The following PRKAA2 variants were observed in gnomAD, a reference collection of about 807,000 sequenced individuals.
The protein encoded by PRKAA2 is 5'-AMP-activated protein kinase catalytic subunit alpha-2.
Under a neutral mutation model 56.3 loss-of-function variants are expected in PRKAA2, and 40 were observed. The ratio of observed to expected loss-of-function variants is 0.71; its 90% CI spans 0.55 to 0.92. The LOEUF (loss-of-function observed/expected upper bound fraction) is 0.92. Ranked by LOEUF, PRKAA2 falls within the 40% of genes least tolerant of loss-of-function variation. The pLI, the probability that PRKAA2 is intolerant of heterozygous loss-of-function variation, is 0.00. For synonymous variants in PRKAA2, 214 were observed against 234.2 expected (o/e 0.91, Z 0.79); for missense variants, 542 against 686.9 (o/e 0.79, Z 2.36).
At chr1:56,707,323 A>G (rs1644338340) in intron 8 of PRKAA2, 152 bp from the exon 9 acceptor site, 1 of 649,936 alleles carries the variant, frequency 1.5e-6, no homozygotes. Context: ...AAGGAAGAAG[A>G]CTGTGTTTCT....
intron 2 of PRKAA2, among the ~76,000 whole-genome samples, chr1:56,685,935 CATG>C (rs1379542065): frequency 3.0e-4 from 46 of 152,168 alleles, no homozygotes; most frequent in African/African-American, 1.1e-3. Flanking sequence ...TAAATTTATG[CATG>C]ATAACAATAT....
In PRKAA2 at chr1:56,700,093, C is replaced by G. The variant is rs77639217; in HGVS notation, c.789-3878C>G. ...GTATGGCTATGCTTTCATTTCTCTT[C>G]GGTGTATATACCTAGAGTTTATAAT... On this transcript the variant is annotated intron_variant, in intron 6 of 8. Transcript: ENST00000371244. Among the ~76,000 whole-genome samples the G allele has an allele frequency of 5.5e-3, 842 of 152,192 alleles. 12 individuals are homozygous for G. Among genetic ancestry groups the G allele is most frequent in the African/African-American group, 0.019 (775 of 41,508 alleles).
chr1:56,682,545 A>G (rs1379367599), intron 2 of PRKAA2, among the ~76,000 whole-genome samples: 2 of 152,198 alleles, frequency 1.3e-5, no homozygotes, highest in East Asian at 3.9e-4. Context: ...GAAGTAGTTC[A>G]GGAATTCTAA....
chr1:56,695,886 A>G (rs1644255738), intron 5 of PRKAA2, 49 bp from the exon 6 acceptor site: 1 of 1,522,304 alleles, frequency 6.6e-7, no homozygotes, highest in Non-Finnish European at 9.1e-7. Context: ...GTACATAGAG[A>G]AAAAGTGATT....
Position 56,674,460 on chromosome 1 carries a change from T to G in PRKAA2, c.174T>G (p.Val58=), listed in dbSNP as rs1644099273. 1 of 1,577,456 alleles carries G rather than the reference T, an allele frequency of 6.3e-7. No individual in the cohort carries two copies. The highest frequency in any genetic ancestry group is 1.2e-5 in the South Asian group (1 of 85,482). ...NRQKIRSLDV[V]GKIKREIQNL... is the part of the protein sequence containing the mutation. ...AGAAGATTCGCAGTTTAGATGTTGT[T>G]GGAAAAATAAAACGAGAAATTCAAA... Residue 58 remains valine, a synonymous_variant, in exon 2 of 9, where the codon GTT becomes GTG. Transcript: ENST00000371244.
intron 2 of PRKAA2, among the ~76,000 whole-genome samples, chr1:56,690,211 T>C (rs1644218976): frequency 6.6e-6 from 1 of 151,800 alleles, no homozygotes; most frequent in Non-Finnish European, 1.5e-5. Flanking sequence ...TTGCCCATGC[T>C]GGAGTGCAGT....
intron 1 of PRKAA2, among the ~76,000 whole-genome samples, chr1:56,673,205 C>T (rs1644090176): frequency 6.6e-6 from 1 of 151,994 alleles, no homozygotes; most frequent in African/African-American, 2.4e-5. Flanking sequence ...GACCCCATCT[C>T]TACAAAGATT....
intron 2 of PRKAA2, among the ~76,000 whole-genome samples, chr1:56,678,824 T>C: frequency 6.6e-6 from 1 of 151,934 alleles, no homozygotes; most frequent in East Asian, 1.9e-4. Flanking sequence ...GCCTCCTGAG[T>C]AGCTGGGACT....
Position 56,664,891 on chromosome 1 carries a change from C to CACACAT in PRKAA2, c.95-9489_95-9488insCACATA, listed in dbSNP as rs774937805. 2.7e-4 allele frequency among the ~76,000 whole-genome samples: 31 copies of CACACAT among 114,170 alleles called. No homozygotes were observed. The South Asian group carries it at 0.01, about 39-fold the overall frequency. The allele number at this position is 114,170 out of a possible 152,430, so 74.9% of individuals were successfully genotyped here. On this transcript the variant is annotated intron_variant, in intron 1 of 8. Coordinates refer to ENST00000371244, the MANE Select transcript of PRKAA2 (RefSeq NM_006252.4). ...ACACACACACACACACACACACACA[C>CACACAT]ATATATACATACATACAAACAGCTT...
rs1440147413 is a variant in PRKAA2, at chr1:56,709,257, GT to G, written c.*1546del. On this transcript the variant is annotated 3_prime_UTR_variant, in exon 9 of 9. Transcript: ENST00000371244. ...GAATGTTAGACTAAGTTTCTCCTGT[GT>G]TAGTGGAAAACAAGTGTGTCTATCT... 2.6e-5 allele frequency: 4 copies of G among 152,130 alleles called. No individual in the cohort carries two copies. 9.4% of individuals were successfully genotyped at this position (152,130 alleles called of 1,614,324 possible).
chr1:56,666,262 G>C (rs1330981713), intron 1 of PRKAA2, among the ~76,000 whole-genome samples: 1 of 152,124 alleles, frequency 6.6e-6, no homozygotes, highest in Non-Finnish European at 1.5e-5. Context: ...AATGATAAAT[G>C]AGACACAGAC....
chr1:56,666,190 A>G (rs1056668906), intron 1 of PRKAA2, among the ~76,000 whole-genome samples: 2 of 152,176 alleles, frequency 1.3e-5, no homozygotes, highest in African/African-American at 2.4e-5. Context: ...TTTTCCATAC[A>G]GTAAATAAAT....
Position 56,706,149 on chromosome 1 carries a change from G to C in PRKAA2, c.1351G>C (p.Val451Leu). ...AAAAAATCCAGTGACTGGCAATTAC[G>C]TGAAAATGAGCTTACAACTTTACCT... is the stretch of plus-strand genomic sequence containing the variant. ...RRKNPVTGNYVKMSLQLYLVD... is the reference protein window; with the variant it reads ...RRKNPVTGNYLKMSLQLYLVD... Residue 451 changes from valine (V) to leucine (L), a missense_variant, in exon 8 of 9, where the codon GTG (valine) becomes CTG (leucine). Around this residue, in one of 5 missense-constraint regions of PRKAA2, gnomAD observed 158 missense variants for 166.1 expected, o/e 0.95. Transcript: ENST00000371244. The C allele has an allele frequency of 1.2e-6, 2 of 1,613,248 alleles. No individual in the cohort carries two copies. Among genetic ancestry groups the C allele is most frequent in the Non-Finnish European group, 1.7e-6 (2 of 1,179,328 alleles).
At chr1:56,655,453 T>C (rs1314602711) in intron 1 of PRKAA2, among the ~76,000 whole-genome samples, 2 of 150,576 alleles carry the variant, frequency 1.3e-5, no homozygotes, top group Non-Finnish European at 3.0e-5. Flanking sequence ...AAGTTGGAAC[T>C]ATATGGTGTT....
At chr1:56,650,089 C>T (rs986934152) in intron 1 of PRKAA2, among the ~76,000 whole-genome samples, 2 of 150,498 alleles carry the variant, frequency 1.3e-5, no homozygotes, top group African/African-American at 2.4e-5. Flanking sequence ...AGCGAGACTC[C>T]GTCTTAAAAA....
At chr1:56,686,360 A>G (rs1644191284) in intron 2 of PRKAA2, among the ~76,000 whole-genome samples, 1 of 152,238 alleles carries the variant, frequency 6.6e-6, no homozygotes, top group African/African-American at 2.4e-5. Flanking sequence ...ATGACTCAGC[A>G]GTTGCACTCA....
At chr1:56,704,532 G>T in intron 7 of PRKAA2, 57 bp downstream of exon 7, 1 of 1,512,912 alleles carries the variant, frequency 6.6e-7, no homozygotes. Context: ...TATATTATAA[G>T]CTGCTCTGAG....
At chr1:56,701,934 GA>G (rs1644296937) in intron 6 of PRKAA2, among the ~76,000 whole-genome samples, 3 of 151,852 alleles carry the variant, frequency 2.0e-5, no homozygotes, top group Admixed American at 6.6e-5. Context: ...GCAAGATTAA[GA>G]AAAAAATCAA....
intron 1 of PRKAA2, among the ~76,000 whole-genome samples, chr1:56,652,542 G>A (rs1477116341): frequency 6.6e-6 from 1 of 152,172 alleles, no homozygotes; most frequent in African/African-American, 2.4e-5. Flanking sequence ...GTATAAGAAG[G>A]TATTAGCTCT....
Sources: allele counts gnomAD v4.1 joint callset (sites outside exome capture counted in the v4.1 genomes callset), GRCh38; gene constraint gnomAD v4.1.1; regional missense constraint gnomAD v4.1.1; transcripts MANE v1.5; gene names NCBI Gene and HGNC (gene_info 2026-07-23, HGNC 2026-07-21).